CLPB: variants seen among roughly 807,000 people sequenced by gnomAD.
The protein encoded by CLPB is ClpB family mitochondrial disaggregase.
CLPB carries 40 observed loss-of-function variants against 78.4 expected under a neutral mutation model. That is an observed-to-expected ratio of 0.51 (90% CI 0.40 to 0.66). CLPB has a LOEUF of 0.66. Among genes scored for constraint, CLPB ranks in the 30% least tolerant of loss-of-function variants. The pLI is 0.00. For synonymous variants in CLPB, 333 were observed against 348.0 expected (o/e 0.96, Z 0.48); for missense variants, 780 against 886.9 (o/e 0.88, Z 1.53).
chr11:72,338,893 C>G (rs1341287814), intron 5 of CLPB, among the ~76,000 whole-genome samples: 1 of 152,190 alleles, frequency 6.6e-6, no homozygotes, highest in Non-Finnish European at 1.5e-5. Flanking sequence ...ATGTGGACTT[C>G]ATGAGACATC....
At position 72,398,158 on chromosome 11, in the gene CLPB, G is replaced by C. The variant is rs1201458420; in HGVS notation, c.542+4808C>G. Among the ~76,000 whole-genome samples the C allele has an allele frequency of 2.0e-5, 3 of 152,218 alleles. No homozygotes were observed. The East Asian group carries it at 5.8e-4, about 29-fold the overall frequency. ...TGGCCATTGTTCACTGGGAAAGGTA[G>C]GAGGCTCCCAATCCATCCCTCAGTG... On this transcript the variant is annotated intron_variant, in intron 3 of 15. Transcript: ENST00000538039.
At chr11:72,346,988 T>TAAAAAAAAAAAAA (rs60688188) in intron 5 of CLPB, among the ~76,000 whole-genome samples, 1 of 60,182 alleles carries the variant, frequency 1.7e-5, no homozygotes, top group African/African-American at 5.2e-5. Context: ...TCTCAAAAAT[T>TAAAAAAAAAAAAA]AAAAAAAAAA....
At chr11:72,410,499 G>A (rs1855844431) in intron 2 of CLPB, among the ~76,000 whole-genome samples, 2 of 152,132 alleles carry the variant, frequency 1.3e-5, no homozygotes, top group South Asian at 4.1e-4. Context: ...GTACAAAATA[G>A]CATAAGAAGA....
chr11:72,407,733 G>A (rs1292224343), intron 2 of CLPB, among the ~76,000 whole-genome samples: 4 of 150,848 alleles, frequency 2.7e-5, no homozygotes, highest in South Asian at 2.1e-4. Flanking sequence ...TGCAAGCTCC[G>A]CCTCCCGAGT....
chr11:72,375,045 C>G (rs1311654833), intron 4 of CLPB, among the ~76,000 whole-genome samples: 2 of 152,200 alleles, frequency 1.3e-5, no homozygotes, highest in African/African-American at 4.8e-5. Context: ...TCACAATCCA[C>G]TGAGTACTCA....
intron 6 of CLPB, among the ~76,000 whole-genome samples, chr11:72,325,730 A>G (rs1950122054): frequency 6.6e-6 from 1 of 152,246 alleles, no homozygotes; most frequent in Non-Finnish European, 1.5e-5. Context: ...GTAGGAAACA[A>G]AAGTGTCTGA....
chr11:72,298,393 G>A (rs778893063), intron 11 of CLPB, among the ~76,000 whole-genome samples: 2 of 152,132 alleles, frequency 1.3e-5, no homozygotes, highest in African/African-American at 2.4e-5. Context: ...GCCTGTCTCC[G>A]CACTCATTGG....
chr11:72,418,716 G>A (rs1856097672), intron 2 of CLPB, among the ~76,000 whole-genome samples: 1 of 152,028 alleles, frequency 6.6e-6, no homozygotes, highest in Non-Finnish European at 1.5e-5. Flanking sequence ...TTAGCCGGGT[G>A]TGGTGGCACA....
At chr11:72,308,797 T>C (rs934290151) in intron 7 of CLPB, among the ~76,000 whole-genome samples, 193 bp from the exon 8 acceptor site, 2 of 152,148 alleles carry the variant, frequency 1.3e-5, no homozygotes. Context: ...CAGGTTAGCA[T>C]GGATTTGGAA....
At chr11:72,356,043 A>G (rs1474725099) in intron 5 of CLPB, among the ~76,000 whole-genome samples, 1 of 152,156 alleles carries the variant, frequency 6.6e-6, no homozygotes, top group Non-Finnish European at 1.5e-5. Flanking sequence ...GCACTTTGGG[A>G]GGCCGAGGCG....
intron 5 of CLPB, among the ~76,000 whole-genome samples, chr11:72,347,627 A>G (rs866478266): frequency 3.2e-4 from 49 of 152,196 alleles, no homozygotes; most frequent in Admixed American, 7.9e-4. Context: ...ACTATTCAAA[A>G]ACAGGATTAA....
intron 5 of CLPB, among the ~76,000 whole-genome samples, chr11:72,330,101 C>T (rs537565502): frequency 1.8e-4 from 27 of 152,344 alleles, no homozygotes; most frequent in Admixed American, 1.8e-3. Context: ...TGTAAACATA[C>T]AATTTCATAC....
At chr11:72,318,786 G>C (rs1322412245) in intron 6 of CLPB, among the ~76,000 whole-genome samples, 1 of 152,202 alleles carries the variant, frequency 6.6e-6, no homozygotes, top group East Asian at 1.9e-4. Flanking sequence ...GCCAATCCCA[G>C]TGGAGTGACA....
intron 2 of CLPB, among the ~76,000 whole-genome samples, chr11:72,408,896 G>T (rs543079876): frequency 6.6e-6 from 1 of 152,208 alleles, no homozygotes; most frequent in Non-Finnish European, 1.5e-5. Flanking sequence ...CGGGCTGCCC[G>T]CTGAGAGAGG....
intron 3 of CLPB, among the ~76,000 whole-genome samples, chr11:72,401,411 C>T (rs1190243056): frequency 2.0e-5 from 3 of 152,030 alleles, no homozygotes; most frequent in Non-Finnish European, 4.4e-5. Flanking sequence ...CACTGCACTC[C>T]AGCCTGGCAA....
intron 5 of CLPB, among the ~76,000 whole-genome samples, chr11:72,334,135 C>T (rs1950278243): frequency 6.6e-6 from 1 of 152,218 alleles, no homozygotes; most frequent in Non-Finnish European, 1.5e-5. Flanking sequence ...CAAACAAGTG[C>T]TGTCAGTGAT....
chr11:72,426,278 C>G (rs928364485), intron 2 of CLPB, among the ~76,000 whole-genome samples: 1 of 152,212 alleles, frequency 6.6e-6, no homozygotes, highest in Non-Finnish European at 1.5e-5. Context: ...ACCGGGAGAA[C>G]AGGAGGCCTC....
intron 2 of CLPB, among the ~76,000 whole-genome samples, chr11:72,419,812 G>A (rs1856136502): frequency 6.6e-6 from 1 of 152,148 alleles, no homozygotes; most frequent in Admixed American, 6.6e-5. Context: ...TCCTTCCTTT[G>A]CAGCATTTGT....
chr11:72,401,938 G>A (rs998697073), intron 3 of CLPB, among the ~76,000 whole-genome samples: 1 of 152,154 alleles, frequency 6.6e-6, no homozygotes, highest in South Asian at 2.1e-4. Context: ...TCTGGCATCG[G>A]GAGGTAGCAG....
Sources: allele counts gnomAD v4.1 joint callset (sites outside exome capture counted in the v4.1 genomes callset), GRCh38; gene constraint gnomAD v4.1.1; transcripts MANE v1.5; gene names NCBI Gene and HGNC (gene_info 2026-07-23, HGNC 2026-07-21).